Variants in SEC31A observed in about 807,000 individuals in gnomAD.
SEC31A encodes SEC31 homolog A, COPII component.
A neutral mutation model predicts 151.0 loss-of-function variants in SEC31A; 70 were observed. The observed-to-expected ratio is 0.46, with a 90% CI of 0.38 to 0.57. SEC31A has a LOEUF of 0.57. Ranked by LOEUF, SEC31A falls within the 20% of genes least tolerant of loss-of-function variation. The pLI is 0.00. For synonymous variants in SEC31A, 475 were observed against 505.9 expected (o/e 0.94, Z 0.82); for missense variants, 1,330 against 1,471.2 (o/e 0.90, Z 1.57).
At chr4:82,871,311 T>TAC (rs10548601) in intron 7 of SEC31A, 75,436 of 1,321,676 alleles carry the variant, frequency 0.057, 716 homozygotes, top group African/African-American at 0.12. Flanking sequence ...TATACATGCA[T>TAC]ACACACACAC....
intron 4 of SEC31A, chr4:82,877,698 A>ATTTCTT (rs1553935614): frequency 1.3e-5 from 2 of 150,804 alleles, no homozygotes; most frequent in African/African-American, 2.4e-5. Context: ...TCTGCATTAC[A>ATTTCTT]TTTCTTTTTT....
chr4:82,839,922 A>G (rs1728350610), intron 22 of SEC31A, among the ~76,000 whole-genome samples: 1 of 152,256 alleles, frequency 6.6e-6, no homozygotes. Flanking sequence ...CTATGCAAAC[A>G]TTTAATTTAG....
chr4:82,896,465 G>C (rs575376019), intron 3 of SEC31A, among the ~76,000 whole-genome samples: 1 of 152,208 alleles, frequency 6.6e-6, no homozygotes, highest in East Asian at 1.9e-4. Flanking sequence ...TGATTCACCT[G>C]CCTTAGCCTT....
upstream of SEC31A, chr4:82,891,339 T>C (rs1162258381): frequency 7.2e-6 from 5 of 691,358 alleles, no homozygotes; most frequent in Admixed American, 2.9e-5. Context: ...ACGGCTCCGC[T>C]GGTTGGTGGC....
At chr4:82,845,224 C>A in intron 20 of SEC31A, 1 of 1,533,666 alleles carries the variant, frequency 6.5e-7, no homozygotes, top group Non-Finnish European at 8.7e-7. Flanking sequence ...GGAGAGGCTG[C>A]AGGTGGATGG....
intron 24 of SEC31A, among the ~76,000 whole-genome samples, chr4:82,825,508 G>C (rs967092204): frequency 2.0e-5 from 3 of 152,230 alleles, no homozygotes; most frequent in Non-Finnish European, 4.4e-5. Context: ...GAGTTGAACA[G>C]TTAAGTGAGG....
At chr4:82,858,076 G>A (rs1311793650) in intron 14 of SEC31A, 9 of 218,026 alleles carry the variant, frequency 4.1e-5, no homozygotes, top group African/African-American at 1.2e-4. Flanking sequence ...TCAGAAGCTC[G>A]GGACCAGCCA....
At chr4:82,893,735 A>C (rs1360805672), upstream of SEC31A, 1 of 152,226 alleles carries the variant, frequency 6.6e-6, no homozygotes, top group Non-Finnish European at 1.5e-5. Context: ...AGTTTGTGGA[A>C]AAATGGTTAA....
At chr4:82,826,660 T>G (rs1724662969) in intron 24 of SEC31A, among the ~76,000 whole-genome samples, 1 of 152,232 alleles carries the variant, frequency 6.6e-6, no homozygotes, top group Non-Finnish European at 1.5e-5. Flanking sequence ...GCTTCAGGCA[T>G]ATTATCTCTT....
In SEC31A at chr4:82,851,447, G is replaced by A. The variant is rs755871171; in HGVS notation, c.2312C>T (p.Pro771Leu). Residue 771 changes from proline to leucine, a missense_variant, in exon 19 of 27, where the codon CCT (proline) becomes CTT (leucine). By Grantham distance (98) the Pro-to-Leu change is moderately conservative (BLOSUM62 -3). Coordinates refer to ENST00000395310, the MANE Select transcript of SEC31A (RefSeq NM_001077207.4). ...GSIAAALAFL[P>L]DNTNQPNIMQ... The stretch of plus-strand genomic sequence containing the variant: ...TCTAATTACCTGGTTGGTGTTGTCA[G>A]GAAGAAAAGCCAAGGCTGCAGCAAT... 8 of 1,611,890 alleles carry A rather than the reference G, an allele frequency of 5.0e-6. No homozygotes were observed. The highest frequency in any genetic ancestry group is 1.1e-5 in the South Asian group (1 of 90,628).
chr4:82,831,908 A>G (rs2149070854), intron 22 of SEC31A, among the ~76,000 whole-genome samples: 1 of 152,372 alleles, frequency 6.6e-6, no homozygotes, highest in South Asian at 2.1e-4. Context: ...CAAGAAATTA[A>G]GAGAGGACAC....
intron 14 of SEC31A, 152 bp from the exon 15 acceptor site, chr4:82,857,916 A>G: frequency 1.9e-6 from 1 of 532,722 alleles, no homozygotes; most frequent in East Asian, 3.3e-5. Context: ...TACAACTAAG[A>G]TCTATGCCTT....
intron 12 of SEC31A, 27 bp downstream of exon 12, chr4:82,863,291 T>C (rs367835863): frequency 2.4e-6 from 3 of 1,246,794 alleles, no homozygotes; most frequent in East Asian, 2.4e-5. Flanking sequence ...ATAAAGAGCA[T>C]GCCATCTAAC....
intron 22 of SEC31A, among the ~76,000 whole-genome samples, chr4:82,837,476 C>T (rs954562255): frequency 1.3e-5 from 2 of 151,790 alleles, no homozygotes; most frequent in South Asian, 2.1e-4. Context: ...CTCTGTCTCC[C>T]GGGTTCAAGC....
chr4:82,834,700 T>C (rs1216978306), intron 22 of SEC31A, among the ~76,000 whole-genome samples: 1 of 152,178 alleles, frequency 6.6e-6, no homozygotes, highest in Admixed American at 6.5e-5. Context: ...AAGCCATGTG[T>C]TTTAGCAGAA....
intron 20 of SEC31A, among the ~76,000 whole-genome samples, chr4:82,847,445 G>A (rs1730484006): frequency 6.6e-6 from 1 of 152,108 alleles, no homozygotes; most frequent in Admixed American, 6.6e-5. Flanking sequence ...ATCTTTCAAT[G>A]TTTTTATCTT....
At chr4:82,828,838 C>T (rs1339452177) in intron 23 of SEC31A, among the ~76,000 whole-genome samples, 162 bp downstream of exon 23, 1 of 152,122 alleles carries the variant, frequency 6.6e-6, no homozygotes, top group Non-Finnish European at 1.5e-5. Flanking sequence ...TACTTCCTTT[C>T]CTTCCTTCCA....
In SEC31A at chr4:82,866,952, T is replaced by C. The variant is rs1221266124; in HGVS notation, c.1053A>G (p.Ser351=). The change falls in exon 10 of 27, where the codon TCA becomes TCG. Residue 351 remains serine (S), a synonymous_variant. Transcript: ENST00000395310. ...CAAAGGGATCAAGATTCCCAAAAGATGATGAAAGCTAAAAAAGATAATAAT... is the reference window on the plus strand; with the variant it reads ...CAAAGGGATCAAGATTCCCAAAAGACGATGAAAGCTAAAAAAGATAATAAT... ...LRQKQVDKLS[S]SFGNLDPFGT... is the part of the protein sequence containing the mutation. The C allele has an allele frequency of 1.2e-6, 2 of 1,606,724 alleles. No individual in the cohort carries two copies. The highest frequency in any genetic ancestry group is 1.3e-5 in the African/African-American group (1 of 74,564).
chr4:82,855,033 G>C lies in SEC31A; in HGVS notation c.1882-4C>G, dbSNP rs75489770. 6.1e-5 allele frequency: 97 copies of C among 1,586,912 alleles called. No homozygotes were observed. In the East Asian group the frequency reaches 1.4e-3, roughly 22 times the overall value. On this transcript the variant is annotated splice_region_variant and splice_polypyrimidine_tract_variant and intron_variant, in intron 16 of 26. Coordinates refer to ENST00000395310, the MANE Select transcript of SEC31A (RefSeq NM_001077207.4). ...TCATCACCACTGCAGTGATGAGCTTGAGAAACGAAAACAAAGGAAGAATTA... is the reference window on the plus strand; with the variant it reads ...TCATCACCACTGCAGTGATGAGCTTCAGAAACGAAAACAAAGGAAGAATTA...
Sources: allele counts gnomAD v4.1 joint callset (sites outside exome capture counted in the v4.1 genomes callset), GRCh38; gene constraint gnomAD v4.1.1; transcripts MANE v1.5; gene names NCBI Gene and HGNC (gene_info 2026-07-23, HGNC 2026-07-21).